EPB41L4A: variants seen among roughly 807,000 people sequenced by gnomAD.
The protein encoded by EPB41L4A is band 4.1-like protein 4A.
EPB41L4A carries 100 observed loss-of-function variants against 108.6 expected under a neutral mutation model. The ratio of observed to expected loss-of-function variants is 0.92; its 90% confidence interval spans 0.78 to 1.09. The LOEUF (loss-of-function observed/expected upper bound fraction) is 1.09, where lower values mean the gene tolerates loss of function less well. Ranked by LOEUF, EPB41L4A falls within the 50% of genes least tolerant of loss-of-function variation. The pLI, the probability that EPB41L4A is intolerant of heterozygous loss-of-function variation, is 0.00. For missense variants in EPB41L4A, 1,030 were observed against 842.7 expected, an observed-to-expected ratio of 1.22 and a Z score of -2.75; for synonymous variants, 319 against 289.0, an observed-to-expected ratio of 1.10 and a Z score of -1.05.
chr5:112,250,465 T>C (rs1750581070), intron 9 of EPB41L4A: 1 of 152,218 alleles, frequency 6.6e-6, no homozygotes, highest in Admixed American at 6.5e-5. Context: ...TTCTCTCATA[T>C]ACTTGCAGAT....
rs1392414673 is a variant in EPB41L4A at position 112,419,253 on chromosome 5, C to G, written c.-214G>C. On this transcript the variant is annotated 5_prime_UTR_variant, in exon 1 of 23. Coordinates refer to ENST00000261486, the MANE Select transcript of EPB41L4A (RefSeq NM_022140.5). ...GCCCGGGAGAGTCAGCGCCCGGGAG[C>G]CGCCGGGGAAGCGCCGGCGGAACTG... The G allele has an allele frequency of 4.9e-6, 2 of 408,330 alleles. No homozygotes were observed. Among genetic ancestry groups the G allele is most frequent in the East Asian group, 9.5e-5 (2 of 21,112 alleles). The allele number at this position is 408,330 out of a possible 1,614,324, so 25.3% of individuals were successfully genotyped here. A position where few individuals can be genotyped will look rare whatever the true frequency, so the allele number is the denominator to read the frequency against.
At chr5:112,391,339 G>A (rs887990591) in intron 1 of EPB41L4A, among the ~76,000 whole-genome samples, 1 of 152,108 alleles carries the variant, frequency 6.6e-6, no homozygotes, top group Non-Finnish European at 1.5e-5. Context: ...GAAAAAAGAT[G>A]AGATGAATGG....
intron 1 of EPB41L4A, among the ~76,000 whole-genome samples, chr5:112,394,706 C>T (rs1399959202): frequency 6.6e-6 from 1 of 152,168 alleles, no homozygotes; most frequent in African/African-American, 2.4e-5. Flanking sequence ...CATCAAGCTA[C>T]CAATGACTTT....
At chr5:112,290,763 A>T (rs1326634474) in intron 2 of EPB41L4A, among the ~76,000 whole-genome samples, 1 of 152,156 alleles carries the variant, frequency 6.6e-6, no homozygotes, top group Non-Finnish European at 1.5e-5. Context: ...CTGTCCTAGA[A>T]GCTGAACATA....
intron 15 of EPB41L4A, among the ~76,000 whole-genome samples, chr5:112,198,937 T>C (rs1359580556): frequency 6.6e-6 from 1 of 152,156 alleles, no homozygotes; most frequent in Admixed American, 6.5e-5. Flanking sequence ...CCCCATTTGT[T>C]TGTTTTAGTC....
At chr5:112,347,658 G>A (rs1757771081) in intron 1 of EPB41L4A, among the ~76,000 whole-genome samples, 1 of 152,204 alleles carries the variant, frequency 6.6e-6, no homozygotes, top group Non-Finnish European at 1.5e-5. Context: ...CACTGTCTGA[G>A]CTTTGGGCTT....
chr5:112,215,588 C>A lies in EPB41L4A; in HGVS notation c.1088-5606G>T, dbSNP rs549311072. Among the ~76,000 whole-genome samples, 18 of 151,908 alleles carry A rather than the reference C, an allele frequency of 1.2e-4. No individual in the cohort carries two copies. The East Asian group carries it at 2.9e-3, about 25-fold the overall frequency. On this transcript the variant is annotated intron_variant, in intron 12 of 22. Coordinates refer to ENST00000261486, the MANE Select transcript of EPB41L4A (RefSeq NM_022140.5). ...CCATTCTGGTTAACAATGGTGAAAC[C>A]CCGTCTCTACTAAAAATACAAAAAA...
At chr5:112,391,486 G>T (rs1035543101) in intron 1 of EPB41L4A, among the ~76,000 whole-genome samples, 3 of 152,014 alleles carry the variant, frequency 2.0e-5, no homozygotes, top group Non-Finnish European at 2.9e-5. Flanking sequence ...TATCAATGAT[G>T]GAAGATCAAA....
At chr5:112,169,361 C>A (rs138532523) in intron 20 of EPB41L4A, among the ~76,000 whole-genome samples, 1,862 of 152,000 alleles carry the variant, frequency 0.012, 18 homozygotes, top group Middle Eastern at 0.027. Context: ...TTTTAACAAC[C>A]AAATTTTAAA....
intron 1 of EPB41L4A, among the ~76,000 whole-genome samples, chr5:112,339,428 A>G (rs1330303520): frequency 9.4e-5 from 14 of 149,688 alleles, no homozygotes; most frequent in African/African-American, 3.4e-4. Flanking sequence ...AGTAACAAAT[A>G]AATATATTTA....
intron 9 of EPB41L4A, among the ~76,000 whole-genome samples, chr5:112,251,032 C>G (rs1232930398): frequency 6.6e-6 from 1 of 152,186 alleles, no homozygotes; most frequent in East Asian, 1.9e-4. Context: ...TATTTGATCA[C>G]ATGTCTAACA....
chr5:112,393,326 A>G (rs946175194), intron 1 of EPB41L4A, among the ~76,000 whole-genome samples: 1 of 152,204 alleles, frequency 6.6e-6, no homozygotes, highest in Non-Finnish European at 1.5e-5. Flanking sequence ...AAGATCAACA[A>G]AATTGATAGA....
rs142413113 is a variant in EPB41L4A, at chr5:112,202,508, T to C, written c.1376+1867A>G. On this transcript the variant is annotated intron_variant, in intron 15 of 22. Transcript: ENST00000261486. The stretch of plus-strand genomic sequence containing the variant: ...AATACAAATGCCATTTCCCAAAGGG[T>C]TATTATTGGGATTACATGAGATAAT... Among the ~76,000 whole-genome samples, 50 of 152,232 alleles carry C rather than the reference T, an allele frequency of 3.3e-4. 1 individual carries two copies. The highest frequency in any genetic ancestry group is 1.5e-5 in the Non-Finnish European group (1 of 68,006).
At chr5:112,275,241 T>G in intron 4 of EPB41L4A, 85 bp downstream of exon 4, 1 of 1,442,722 alleles carries the variant, frequency 6.9e-7, no homozygotes, top group Non-Finnish European at 9.2e-7. Flanking sequence ...CATCCAAACG[T>G]TTAGCCCAAT....
chr5:112,232,485 C>A (rs1469005545), intron 12 of EPB41L4A, among the ~76,000 whole-genome samples: 1 of 152,160 alleles, frequency 6.6e-6, no homozygotes, highest in Non-Finnish European at 1.5e-5. Flanking sequence ...CAGTGTAGAA[C>A]CACCAGAAAG....
intron 1 of EPB41L4A, among the ~76,000 whole-genome samples, chr5:112,311,967 C>T (rs184995759): frequency 9.9e-5 from 15 of 152,172 alleles, no homozygotes; most frequent in South Asian, 4.2e-4. Context: ...AGAAGTGGTT[C>T]GTGAACAAAG....
chr5:112,330,261 T>C (rs867891831), intron 1 of EPB41L4A, among the ~76,000 whole-genome samples: 2 of 151,946 alleles, frequency 1.3e-5, no homozygotes, highest in African/African-American at 4.8e-5. Context: ...TAGAGTTGTA[T>C]TGTGTATAAA....
chr5:112,277,556 A>C (rs752833850), intron 3 of EPB41L4A, among the ~76,000 whole-genome samples: 11 of 152,224 alleles, frequency 7.2e-5, no homozygotes, highest in Non-Finnish European at 1.0e-4. Context: ...TTGGGAACAT[A>C]TGCAAGGCAC....
intron 12 of EPB41L4A, among the ~76,000 whole-genome samples, chr5:112,216,943 G>T (rs1747684216): frequency 6.6e-6 from 1 of 151,874 alleles, no homozygotes; most frequent in Non-Finnish European, 1.5e-5. Flanking sequence ...AAATATTCAA[G>T]AAAACCTTAT....
Sources: allele counts gnomAD v4.1 joint callset (sites outside exome capture counted in the v4.1 genomes callset), GRCh38; gene constraint gnomAD v4.1.1; transcripts MANE v1.5; gene names NCBI Gene and HGNC (gene_info 2026-07-23, HGNC 2026-07-21).